The following REEP1 variants were observed in gnomAD, a reference collection of about 807,000 sequenced individuals.
REEP1 encodes receptor expression-enhancing protein 1.
A neutral mutation model predicts 40.3 loss-of-function variants in REEP1; 22 were observed. The observed-to-expected ratio is 0.55, with a 90% confidence interval of 0.39 to 0.78. The LOEUF is 0.78. Among genes scored for constraint, REEP1 ranks in the 30% least tolerant of loss-of-function variants. REEP1 has a pLI of 0.00. For synonymous variants in REEP1, 116 were observed against 139.2 expected (o/e 0.83, Z 1.17); for missense variants, 280 against 361.1 (o/e 0.78, Z 1.82).
rs576704979 is a variant in REEP1, at chr2:86,220,158, G to A, written c.632-37C>T. ...TTTACAATCTACACAGATGAGACAA[G>A]GTATAGCAAGGAAGCATCAGTGCAG... On this transcript the variant is annotated intron_variant, in intron 7 of 8. Coordinates refer to ENST00000538924, the MANE Select transcript of REEP1 (RefSeq NM_001371279.1). The A allele has an allele frequency of 2.1e-5, 26 of 1,215,284 alleles. 1 individual carries two copies. The South Asian group carries it at 1.0e-3, about 49-fold the overall frequency. The allele number at this position is 1,215,284 out of a possible 1,614,324, so 75.3% of individuals were successfully genotyped here.
chr2:86,284,037 T>C (rs1415305926), intron 1 of REEP1, among the ~76,000 whole-genome samples: 1 of 151,960 alleles, frequency 6.6e-6, no homozygotes, highest in Non-Finnish European at 1.5e-5. Flanking sequence ...GGGGGAAACA[T>C]TTAAGAGAGG....
chr2:86,273,597 A>C (rs1014813893), intron 2 of REEP1, among the ~76,000 whole-genome samples: 29 of 152,008 alleles, frequency 1.9e-4, no homozygotes, highest in Non-Finnish European at 3.7e-4. Context: ...CTGGCCCCTA[A>C]TTATTTTCAT....
chr2:86,290,107 C>T (rs1360561073), intron 1 of REEP1, among the ~76,000 whole-genome samples: 3 of 152,194 alleles, frequency 2.0e-5, no homozygotes, highest in Non-Finnish European at 4.4e-5. Context: ...AGCTATTTTC[C>T]TGCCTCAGTC....
At position 86,336,819 on chromosome 2, in the gene REEP1, A is replaced by G. The variant is rs567218577; in HGVS notation, c.32+660T>C. On this transcript the variant is annotated intron_variant, in intron 1 of 8. Coordinates refer to ENST00000538924, the MANE Select transcript of REEP1 (RefSeq NM_001371279.1). ...AAATTTCCCGTGCATTCCTGGAGGT[A>G]CCTGCCCCTGTCTCTCAATCCCCTG... is the stretch of plus-strand genomic sequence containing the variant. 6.0e-3 allele frequency: 920 copies of G among 152,502 alleles called. 6 individuals carry two copies. The highest frequency in any genetic ancestry group is 1.0e-2 in the Non-Finnish European group (680 of 68,204). 9.4% of individuals were successfully genotyped at this position (152,502 alleles called of 1,614,324 possible).
chr2:86,320,128 G>C (rs555710416), intron 1 of REEP1, among the ~76,000 whole-genome samples: 2 of 152,288 alleles, frequency 1.3e-5, no homozygotes, highest in African/African-American at 4.8e-5. Context: ...TCAGTAAAAG[G>C]GTGAAGAGAG....
chr2:86,318,068 A>G (rs1415927917), intron 1 of REEP1, among the ~76,000 whole-genome samples: 1 of 152,258 alleles, frequency 6.6e-6, no homozygotes, highest in African/African-American at 2.4e-5. Context: ...TTAACTTAAC[A>G]GTATCCCAAT....
intron 1 of REEP1, among the ~76,000 whole-genome samples, chr2:86,328,250 T>C (rs1400738291): frequency 6.6e-6 from 1 of 152,166 alleles, no homozygotes; most frequent in Non-Finnish European, 1.5e-5. Flanking sequence ...TCAAGGTGGG[T>C]TGTATTCCCT....
intron 3 of REEP1, among the ~76,000 whole-genome samples, chr2:86,260,610 CAG>C (rs1327043173): frequency 6.6e-6 from 1 of 152,200 alleles, no homozygotes; most frequent in African/African-American, 2.4e-5. Context: ...GAAGCAGACA[CAG>C]AGTCAAAGCA....
At chr2:86,307,352 T>C (rs1043821921) in intron 1 of REEP1, among the ~76,000 whole-genome samples, 3 of 152,152 alleles carry the variant, frequency 2.0e-5, no homozygotes, top group African/African-American at 4.8e-5. Context: ...GTCTAACAAA[T>C]AGAGGCATGG....
chr2:86,226,875 T>C (rs541699915), intron 7 of REEP1, among the ~76,000 whole-genome samples: 7 of 152,214 alleles, frequency 4.6e-5, no homozygotes, highest in African/African-American at 1.4e-4. Flanking sequence ...GCTTAATGAC[T>C]TGCTTCCAAC....
chr2:86,226,966 A>G (rs1449948649), intron 7 of REEP1, among the ~76,000 whole-genome samples: 2 of 152,090 alleles, frequency 1.3e-5, no homozygotes, highest in East Asian at 3.9e-4. Flanking sequence ...CCTGCCCTCT[A>G]TCTCTTGAAT....
In REEP1 at chr2:86,250,531, A is replaced by G. The variant is rs752164626; in HGVS notation, c.417+1426T>C. Among the ~76,000 whole-genome samples the G allele has an allele frequency of 9.6e-4, 146 of 152,144 alleles. 2 individuals are homozygous for G. Among genetic ancestry groups the G allele is most frequent in the Non-Finnish European group, 1.1e-3 (74 of 68,004 alleles). ...CATAAATCCTGATTGATCTTGGGAA[A>G]CCAAAGCAGAATTTCCCTTCCAAAG... On this transcript the variant is annotated intron_variant, in intron 5 of 8. Coordinates refer to ENST00000538924, the MANE Select transcript of REEP1 (RefSeq NM_001371279.1).
At chr2:86,278,499 C>T (rs1249369225) in intron 2 of REEP1, among the ~76,000 whole-genome samples, 1 of 152,170 alleles carries the variant, frequency 6.6e-6, no homozygotes, top group Non-Finnish European at 1.5e-5. Context: ...TTGTTGGAAG[C>T]TTGTTTTTAA....
chr2:86,312,789 T>A (rs566531786), intron 1 of REEP1, among the ~76,000 whole-genome samples: 1 of 152,366 alleles, frequency 6.6e-6, no homozygotes, highest in South Asian at 2.1e-4. Context: ...ACATCTGACA[T>A]AAAGCATACT....
chr2:86,315,745 C>G (rs185763706), intron 1 of REEP1, among the ~76,000 whole-genome samples: 1 of 152,304 alleles, frequency 6.6e-6, no homozygotes, highest in East Asian at 1.9e-4. Context: ...CCCAGATGCT[C>G]TCTGGGTCAC....
chr2:86,252,049 G>A lies in REEP1; in HGVS notation c.325C>T (p.Gln109Ter). The A allele has an allele frequency of 6.2e-7, 1 of 1,613,652 alleles. No homozygotes were observed. The highest frequency in any genetic ancestry group is 8.5e-7 in the Non-Finnish European group (1 of 1,179,696). The change falls in exon 5 of 9, where the codon CAA becomes TAA. Residue 109 changes from glutamine (Q) to a stop codon, truncating the protein, a stop_gained. Coordinates refer to ENST00000538924, the MANE Select transcript of REEP1 (RefSeq NM_001371279.1). LOFTEE classifies it high-confidence loss of function. ...KEKEIDDCLV[Q>*]AKDRSYDALV... Reference sequence around the variant, plus strand: ...GCATCGTAACTTCGGTCTTTTGCTTGGACCAGACAATCATCGATTTCCTGT... The same window carrying A: ...GCATCGTAACTTCGGTCTTTTGCTTAGACCAGACAATCATCGATTTCCTGT...
chr2:86,232,559 C>G (rs1023060809), intron 6 of REEP1, 66 bp downstream of exon 6: 5 of 1,570,254 alleles, frequency 3.2e-6, no homozygotes, highest in Non-Finnish European at 4.3e-6. Context: ...ACACTGCGGA[C>G]TGGGCCTCTC....
intron 1 of REEP1, among the ~76,000 whole-genome samples, chr2:86,325,769 C>T (rs1007766125): frequency 3.9e-5 from 6 of 152,190 alleles, no homozygotes; most frequent in African/African-American, 1.4e-4. Context: ...TCATTTCAGA[C>T]TTCTGACTTC....
chr2:86,329,498 C>A (rs1037218548), intron 1 of REEP1, among the ~76,000 whole-genome samples: 10 of 152,062 alleles, frequency 6.6e-5, no homozygotes, highest in African/African-American at 2.4e-4. Flanking sequence ...CTCTCAGAAC[C>A]AGAAAGCATG....
Sources: allele counts gnomAD v4.1 joint callset (sites outside exome capture counted in the v4.1 genomes callset), GRCh38; gene constraint gnomAD v4.1.1; transcripts MANE v1.5; gene names NCBI Gene and HGNC (gene_info 2026-07-23, HGNC 2026-07-21).